Variants in KLF12 observed in about 807,000 individuals in gnomAD.
The protein encoded by KLF12 is KLF transcription factor 12.
A neutral mutation model predicts 37.8 loss-of-function variants in KLF12; 9 were observed. The ratio of observed to expected loss-of-function variants is 0.24; its 90% CI spans 0.14 to 0.42. KLF12 has a LOEUF of 0.42. KLF12 is among the 10% of genes least tolerant of loss of function. KLF12 has a pLI of 1.00. For missense variants in KLF12, 411 were observed against 516.0 expected, an observed-to-expected ratio of 0.80 and a Z score of 1.97; for synonymous variants, 208 against 202.1, an observed-to-expected ratio of 1.03 and a Z score of -0.25.
chr13:74,160,630 C>T, the KLF12 span, among the ~76,000 whole-genome samples: 2 of 152,150 alleles, frequency 1.3e-5, no homozygotes, highest in African/African-American at 4.8e-5. Context: ...CTTGTAGCCT[C>T]ACCTTCAGAA....
intron 4 of KLF12, among the ~76,000 whole-genome samples, chr13:73,835,431 G>A (rs1296694235): frequency 3.3e-5 from 5 of 152,010 alleles, no homozygotes; most frequent in African/African-American, 1.2e-4. Flanking sequence ...ATATGAAAGA[G>A]AAAAATCAAG....
chr13:74,046,387 A>G (rs939308345), intron 1 of KLF12, among the ~76,000 whole-genome samples: 4 of 151,996 alleles, frequency 2.6e-5, no homozygotes, highest in African/African-American at 9.6e-5. Flanking sequence ...GTTTATGGAA[A>G]CACATAGTTT....
the KLF12 span, among the ~76,000 whole-genome samples, chr13:74,292,455 T>TC: frequency 7.0e-6 from 1 of 143,238 alleles, no homozygotes; most frequent in African/African-American, 2.8e-5. Context: ...TCTTTTTCTT[T>TC]TTTTTTTTTT....
chr13:74,099,579 A>G lies in KLF12; in HGVS notation c.-32+34160T>C, dbSNP rs553475447. On this transcript the variant is annotated intron_variant, in intron 1 of 7. Coordinates refer to ENST00000377669, the MANE Select transcript of KLF12 (RefSeq NM_007249.5). ...TCCCTAGACACATACATATAATCAA[A>G]CTGAAATACCAATTAATTCATGCAG... is the stretch of plus-strand genomic sequence containing the variant. Among the ~76,000 whole-genome samples, 14 of 152,292 alleles carry G rather than the reference A, an allele frequency of 9.2e-5. No individual in the cohort carries two copies. The South Asian group carries it at 2.7e-3, about 29-fold the overall frequency.
chr13:73,858,453 T>C (rs1885726194), intron 3 of KLF12, among the ~76,000 whole-genome samples: 1 of 152,208 alleles, frequency 6.6e-6, no homozygotes, highest in Non-Finnish European at 1.5e-5. Context: ...AAAACAATGG[T>C]GTTCCCTGGG....
chr13:74,006,450 C>A (rs372674265), intron 1 of KLF12, among the ~76,000 whole-genome samples: 107 of 152,282 alleles, frequency 7.0e-4, no homozygotes, highest in African/African-American at 2.5e-3. Context: ...CACCTTTGGG[C>A]AAAATTTCCC....
intron 3 of KLF12, among the ~76,000 whole-genome samples, chr13:73,857,678 G>A (rs1885676972): frequency 6.6e-6 from 1 of 152,028 alleles, no homozygotes; most frequent in Non-Finnish European, 1.5e-5. Flanking sequence ...GTCTTATTTT[G>A]GGGAGTAAAA....
At chr13:73,836,194 T>C (rs948184612) in intron 4 of KLF12, among the ~76,000 whole-genome samples, 5 of 152,166 alleles carry the variant, frequency 3.3e-5, no homozygotes. Context: ...ATTTATTGGA[T>C]AGAAAGACAA....
At chr13:74,275,790 CTTT>C in the KLF12 span, among the ~76,000 whole-genome samples, 7 of 85,406 alleles carry the variant, frequency 8.2e-5, no homozygotes, top group African/African-American at 3.5e-4. Context: ...TTCTTTCTTT[CTTT>C]CTTTCTTTCT....
chr13:74,300,064 G>A, the KLF12 span, among the ~76,000 whole-genome samples: 1 of 152,084 alleles, frequency 6.6e-6, no homozygotes, highest in South Asian at 2.1e-4. Context: ...GTAAAAAGGG[G>A]AAATCACCTT....
intron 1 of KLF12, among the ~76,000 whole-genome samples, chr13:74,090,034 A>G (rs1449926877): frequency 6.6e-6 from 1 of 152,124 alleles, no homozygotes; most frequent in African/African-American, 2.4e-5. Context: ...TCTTGTATAT[A>G]GAAAATTCTA....
intron 7 of KLF12, among the ~76,000 whole-genome samples, chr13:73,710,380 G>C (rs369228128): frequency 2.8e-4 from 6 of 21,174 alleles, no homozygotes; most frequent in African/African-American, 7.2e-4. Flanking sequence ...GATATTGTCT[G>C]TGTGTGTGTG....
the KLF12 span, among the ~76,000 whole-genome samples, chr13:74,260,628 T>TAGAA: frequency 1.4e-5 from 2 of 139,990 alleles, no homozygotes; most frequent in African/African-American, 5.4e-5. Context: ...TAAAATAAAA[T>TAGAA]AGTGAATTAA....
chr13:73,816,948 G>A (rs1356991923), intron 4 of KLF12, among the ~76,000 whole-genome samples: 1 of 152,190 alleles, frequency 6.6e-6, no homozygotes, highest in African/African-American at 2.4e-5. Flanking sequence ...GACCCCAGGT[G>A]AGACCTGCTT....
rs1298009975 is a variant in KLF12 at position 73,995,050 on chromosome 13, G to C, written c.-28C>G. 1.3e-6 allele frequency: 2 copies of C among 1,594,076 alleles called. No homozygotes were observed. The highest frequency in any genetic ancestry group is 3.4e-5 in the Admixed American group (2 of 58,118). ...ATCCATTTGTTCTTAGAGTCACATT[G>C]ATCCTGCAAGAAAAACACAAAGACA... On this transcript the variant is annotated 5_prime_UTR_variant, in exon 2 of 8. The change creates a new upstream start codon in the 5' untranslated region. Transcript: ENST00000377669.
intron 3 of KLF12, among the ~76,000 whole-genome samples, chr13:73,900,408 C>A (rs939450866): frequency 6.6e-6 from 1 of 152,154 alleles, no homozygotes; most frequent in Non-Finnish European, 1.5e-5. Flanking sequence ...AACTAGCAGT[C>A]ACAAAACAGG....
rs60242793 is a variant in KLF12 at position 74,060,484 on chromosome 13, TTGTG to T, written c.-31-65435_-31-65432del. Reference sequence around the variant, plus strand: ...CCGTGGTTAAATGTATACCTAGGTTTTGTGTGTGTGTGTGTGTGTGTGTGTGTGT... The same window carrying T: ...CCGTGGTTAAATGTATACCTAGGTTTTGTGTGTGTGTGTGTGTGTGTGTGT... On this transcript the variant is annotated intron_variant, in intron 1 of 7. Coordinates refer to ENST00000377669, the MANE Select transcript of KLF12 (RefSeq NM_007249.5). Among the ~76,000 whole-genome samples, 624 of 108,596 alleles carry T rather than the reference TTGTG, an allele frequency of 5.7e-3. 4 individuals carry two copies. The highest frequency in any genetic ancestry group is 0.014 in the East Asian group (59 of 4,164). 71.2% of individuals were successfully genotyped at this position (108,596 alleles called of 152,430 possible). A position where few individuals can be genotyped will look rare whatever the true frequency, so the allele number is the denominator to read the frequency against.
At chr13:74,088,271 CT>C (rs1227052983) in intron 1 of KLF12, among the ~76,000 whole-genome samples, 82 of 146,898 alleles carry the variant, frequency 5.6e-4, no homozygotes, top group South Asian at 6.5e-4. Flanking sequence ...GTGGCTATAG[CT>C]TTTTTTTTTT....
intron 4 of KLF12, among the ~76,000 whole-genome samples, chr13:73,844,302 A>G (rs1166785737): frequency 6.6e-6 from 1 of 152,154 alleles, no homozygotes; most frequent in East Asian, 1.9e-4. Context: ...TTATGTTGTT[A>G]TTATTCAAAT....
Sources: allele counts gnomAD v4.1 joint callset (sites outside exome capture counted in the v4.1 genomes callset), GRCh38; gene constraint gnomAD v4.1.1; transcripts MANE v1.5; gene names NCBI Gene and HGNC (gene_info 2026-07-23, HGNC 2026-07-21).